The following TENM2 variants were observed in gnomAD, a reference collection of about 807,000 sequenced individuals.
TENM2 encodes teneurin-2.
TENM2 carries 52 observed loss-of-function variants against 245.2 expected under a neutral mutation model. The ratio of observed to expected loss-of-function variants is 0.21; its 90% confidence interval spans 0.17 to 0.27. TENM2 has a LOEUF of 0.27. Ranked by LOEUF, TENM2 falls within the 10% of genes least tolerant of loss-of-function variation. The probability of loss-of-function intolerance (pLI) is 1.00; values close to 1 mark genes in which losing one functional copy is unlikely to be tolerated. For synonymous variants in TENM2, 1,363 were observed against 1,438.9 expected (o/e 0.95, Z 1.19); for missense variants, 3,046 against 3,666.8 (o/e 0.83, Z 4.37).
chr5:167,953,967 A>G (rs780525240), intron 4 of TENM2, among the ~76,000 whole-genome samples: 17 of 152,172 alleles, frequency 1.1e-4, no homozygotes, highest in Non-Finnish European at 1.9e-4. Flanking sequence ...TCTGACAATT[A>G]TAGGATTTTT....
chr5:167,868,513 C>G (rs900593477), intron 2 of TENM2, among the ~76,000 whole-genome samples: 4 of 151,736 alleles, frequency 2.6e-5, no homozygotes, highest in African/African-American at 9.7e-5. Context: ...CTGAGGTGGG[C>G]GGATCACCTG....
At chr5:167,375,081 G>T in intron 1 of TENM2, 117 bp from the exon 4 acceptor site, 2 of 1,008,880 alleles carry the variant, frequency 2.0e-6, no homozygotes, top group Non-Finnish European at 2.9e-6. Context: ...TGTACACCAT[G>T]GTGAATTTGA....
At chr5:167,174,900 A>G in the TENM2 span, among the ~76,000 whole-genome samples, 1 of 150,054 alleles carries the variant, frequency 6.7e-6, no homozygotes, top group Non-Finnish European at 1.5e-5. Flanking sequence ...AAGATTCCAC[A>G]TATAAGTGAG....
At chr5:167,339,279 C>G (rs921597145) in intron 1 of TENM2, among the ~76,000 whole-genome samples, 12 of 152,130 alleles carry the variant, frequency 7.9e-5, no homozygotes, top group Admixed American at 6.5e-5. Context: ...GATAGACAGT[C>G]GTAGACTAAA....
chr5:167,967,617 G>T (rs1479256200), intron 4 of TENM2, among the ~76,000 whole-genome samples: 1 of 152,012 alleles, frequency 6.6e-6, no homozygotes, highest in Non-Finnish European at 1.5e-5. Context: ...TAGGTAGAAA[G>T]AACTTAAAAA....
At chr5:167,218,509 C>T in the TENM2 span, among the ~76,000 whole-genome samples, 4 of 152,144 alleles carry the variant, frequency 2.6e-5, no homozygotes, top group Non-Finnish European at 5.9e-5. Context: ...CTGCCGTCTT[C>T]TGGGTTTCAG....
the TENM2 span, among the ~76,000 whole-genome samples, chr5:167,172,624 CT>C: frequency 9.4e-3 from 1,318 of 139,740 alleles, 29 homozygotes; most frequent in East Asian, 0.12. Context: ...TCATTTTCAT[CT>C]TTTTTTTTTT....
chr5:167,218,011 A>G, the TENM2 span, among the ~76,000 whole-genome samples: 1 of 152,148 alleles, frequency 6.6e-6, no homozygotes, highest in Non-Finnish European at 1.5e-5. Context: ...AAGAGGGGTA[A>G]AACATCGCAC....
chr5:167,105,168 T>G, the TENM2 span, among the ~76,000 whole-genome samples: 1 of 152,194 alleles, frequency 6.6e-6, no homozygotes, highest in East Asian at 1.9e-4. Context: ...ACTAAATGTT[T>G]GTAGCATACT....
chr5:168,192,898 T>C (rs1296299555), intron 14 of TENM2, among the ~76,000 whole-genome samples: 1 of 152,210 alleles, frequency 6.6e-6, no homozygotes, highest in East Asian at 1.9e-4. Flanking sequence ...TATCATTATT[T>C]CTACCCTAAA....
intron 3 of TENM2, among the ~76,000 whole-genome samples, chr5:167,908,205 A>G (rs528597760): frequency 1.6e-4 from 24 of 152,244 alleles, no homozygotes; most frequent in Non-Finnish European, 1.5e-5. Flanking sequence ...GTAACAGATG[A>G]GCCTAAAAAT....
intron 4 of TENM2, among the ~76,000 whole-genome samples, chr5:167,956,640 T>C (rs10065142): frequency 0.14 from 21,100 of 152,134 alleles, 1,866 homozygotes; most frequent in African/African-American, 0.23. Flanking sequence ...TTTTGAGATA[T>C]GTTTCATCAA....
intron 2 of TENM2, among the ~76,000 whole-genome samples, chr5:167,606,821 G>T (rs1433755642): frequency 1.3e-5 from 2 of 152,138 alleles, no homozygotes; most frequent in African/African-American, 2.4e-5. Context: ...GATTACATGA[G>T]ATTACAGATA....
intron 2 of TENM2, among the ~76,000 whole-genome samples, chr5:167,596,925 C>G (rs1776257859): frequency 6.6e-6 from 1 of 152,014 alleles, no homozygotes; most frequent in Non-Finnish European, 1.5e-5. Flanking sequence ...TCGGGGGACA[C>G]AAAACGTGGA....
rs1297547275 is a variant in TENM2 at position 168,218,980 on chromosome 5, G to A, written c.5089G>A (p.Gly1697Arg). Reference sequence around the variant, plus strand: ...CCTGGCCACCAAGAGCGATGAAACAGGATGGACGACTTTCTATGAGTAAGT... The same window carrying A: ...CCTGGCCACCAAGAGCGATGAAACAAGATGGACGACTTTCTATGAGTAAGT... The change falls in exon 23 of 29, where the codon GGA (glycine) becomes AGA (arginine). Residue 1697 changes from glycine to arginine, a missense_variant. Gly to Arg is a moderately radical substitution (Grantham distance 125). This residue lies in a region of TENM2 where 2,704 missense variants were observed against 3,331.9 expected (regional missense o/e 0.81). Transcript: ENST00000518659. The surrounding 1 kb of genome is among the most constrained non-coding windows in gnomAD (Gnocchi z 5.2). The A allele has an allele frequency of 2.5e-6, 4 of 1,613,412 alleles. No homozygotes were observed. The highest frequency in any genetic ancestry group is 2.2e-5 in the South Asian group (2 of 91,046).
chr5:167,229,985 G>C, the TENM2 span, among the ~76,000 whole-genome samples: 2 of 152,144 alleles, frequency 1.3e-5, no homozygotes, highest in Non-Finnish European at 2.9e-5. Flanking sequence ...TGTCCTCAGG[G>C]CATATGGGAA....
At chr5:167,325,630 T>C (rs1405738204) in intron 1 of TENM2, among the ~76,000 whole-genome samples, 1 of 152,244 alleles carries the variant, frequency 6.6e-6, no homozygotes, top group Admixed American at 6.5e-5. Context: ...TAATTATATC[T>C]TGTGGATTTT....
chr5:167,664,574 C>T (rs1755450553), intron 2 of TENM2, among the ~76,000 whole-genome samples: 1 of 152,164 alleles, frequency 6.6e-6, no homozygotes, highest in Admixed American at 6.5e-5. Context: ...TCACCTTCTT[C>T]TAATAAGAAT....
intron 2 of TENM2, among the ~76,000 whole-genome samples, chr5:167,386,854 T>C (rs1456447694): frequency 6.6e-6 from 1 of 152,190 alleles, no homozygotes; most frequent in African/African-American, 2.4e-5. Flanking sequence ...TTCCCTATTC[T>C]GTCCCATTTT....
Sources: allele counts gnomAD v4.1 joint callset (sites outside exome capture counted in the v4.1 genomes callset), GRCh38; gene constraint gnomAD v4.1.1; regional missense constraint gnomAD v4.1.1; non-coding constraint Gnocchi (gnomAD v3.1); transcripts MANE v1.5; gene names NCBI Gene and HGNC (gene_info 2026-07-23, HGNC 2026-07-21).